MANBA: variants seen among roughly 807,000 people sequenced by gnomAD.
The protein encoded by MANBA is beta-mannosidase.
MANBA carries 83 observed loss-of-function variants against 111.1 expected under a neutral mutation model. The ratio of observed to expected loss-of-function variants is 0.75; its 90% CI spans 0.63 to 0.90. MANBA has a LOEUF of 0.90. MANBA is among the 40% of genes least tolerant of loss of function. The pLI, the probability that MANBA is intolerant of heterozygous loss-of-function variation, is 0.00. For synonymous variants in MANBA, 370 were observed against 378.7 expected (o/e 0.98, Z 0.27); for missense variants, 1,036 against 1,069.0 (o/e 0.97, Z 0.43).
Position 102,671,292 on chromosome 4 carries a change from G to C in MANBA, c.1219C>G (p.Leu407Val). 1.3e-6 allele frequency: 2 copies of C among 1,562,834 alleles called. No individual in the cohort carries two copies. The highest frequency in any genetic ancestry group is 1.8e-6 in the Non-Finnish European group (2 of 1,133,486). The change falls in exon 9 of 17, where the codon CTA becomes GTA. Residue 407 changes from leucine (L) to valine (V), a missense_variant. Leu to Val is a conservative substitution (Grantham distance 32). Coordinates refer to ENST00000647097, the MANE Select transcript of MANBA (RefSeq NM_005908.4). ...TATCAACTTCTCACCATTATTCCTAGTTCATCACAGAGTTCATAGAATTCA... is the reference window on the plus strand; with the variant it reads ...TATCAACTTCTCACCATTATTCCTACTTCATCACAGAGTTCATAGAATTCA... ...QDEFYELCDE[L>V]GIMVWQDFMF...
intron 1 of MANBA, among the ~76,000 whole-genome samples, chr4:102,735,974 T>C (rs779835271): frequency 1.3e-5 from 2 of 152,216 alleles, no homozygotes; most frequent in Admixed American, 1.3e-4. Flanking sequence ...TTTTGGACTA[T>C]ACTACAATGC....
At chr4:102,739,403 GA>G (rs1476553397) in intron 1 of MANBA, among the ~76,000 whole-genome samples, 1 of 152,134 alleles carries the variant, frequency 6.6e-6, no homozygotes, top group Admixed American at 6.5e-5. Flanking sequence ...CAATCCTACT[GA>G]AAATACTCCA....
chr4:102,646,239 A>T (rs563732259), intron 13 of MANBA, among the ~76,000 whole-genome samples: 130 of 152,220 alleles, frequency 8.5e-4, no homozygotes, highest in South Asian at 2.5e-3. Flanking sequence ...CTAATATATA[A>T]TACACAATGT....
At chr4:102,736,405 CT>C (rs1284205879) in intron 1 of MANBA, among the ~76,000 whole-genome samples, 1 of 152,208 alleles carries the variant, frequency 6.6e-6, no homozygotes, top group East Asian at 1.9e-4. Context: ...GTCTCATTTT[CT>C]CAGTAAGCTT....
intron 5 of MANBA, among the ~76,000 whole-genome samples, chr4:102,701,792 A>G (rs1733062596): frequency 2.0e-5 from 3 of 151,550 alleles, no homozygotes; most frequent in Middle Eastern, 3.4e-3. Context: ...TGCCCTTAAC[A>G]TTTTTTCCTT....
At chr4:102,686,649 C>T (rs227285) in intron 7 of MANBA, among the ~76,000 whole-genome samples, 90,911 of 151,918 alleles carry the variant, frequency 0.6, 28,189 homozygotes, top group South Asian at 0.79. Flanking sequence ...TTGCAGCATT[C>T]AACACTCTGA....
intron 1 of MANBA, 52 bp downstream of exon 1, chr4:102,760,666 G>A (rs1560820384): frequency 2.7e-6 from 4 of 1,490,826 alleles, no homozygotes; most frequent in Non-Finnish European, 3.6e-6. Context: ...GCCCCTCTCA[G>A]CACCAGAAGA....
At chr4:102,721,541 T>C (rs1722573287) in intron 4 of MANBA, among the ~76,000 whole-genome samples, 1 of 152,138 alleles carries the variant, frequency 6.6e-6, no homozygotes, top group Admixed American at 6.6e-5. Context: ...AACAGATGAA[T>C]GGATAAACAA....
At chr4:102,746,699 A>G (rs144269670) in intron 1 of MANBA, among the ~76,000 whole-genome samples, 1 of 152,330 alleles carries the variant, frequency 6.6e-6, no homozygotes, top group Admixed American at 6.5e-5. Context: ...TAGGCCGGGC[A>G]CTGTGGCTCA....
intron 5 of MANBA, among the ~76,000 whole-genome samples, chr4:102,694,289 T>C (rs900514491): frequency 5.9e-5 from 9 of 152,158 alleles, no homozygotes; most frequent in African/African-American, 2.2e-4. Flanking sequence ...TAATAACATA[T>C]TTTTCCCCTC....
intron 9 of MANBA, among the ~76,000 whole-genome samples, chr4:102,670,154 CAAAAAAAAAAAA>C (rs70937560): frequency 2.9e-4 from 31 of 107,894 alleles, no homozygotes; most frequent in Non-Finnish European, 2.8e-4. Context: ...GACTCCATAT[CAAAAAAAAAAAA>C]AAAAAAAAAA....
At chr4:102,722,498 C>G in intron 4 of MANBA, 1 of 272,288 alleles carries the variant, frequency 3.7e-6, no homozygotes, top group Non-Finnish European at 7.2e-6. Context: ...ATCAAATATA[C>G]TAATATTTGC....
At chr4:102,640,895 G>A (rs1729851482) in intron 13 of MANBA, among the ~76,000 whole-genome samples, 1 of 152,156 alleles carries the variant, frequency 6.6e-6, no homozygotes, top group South Asian at 2.1e-4. Flanking sequence ...AGAAGAAATT[G>A]TGGTCAGTCA....
chr4:102,634,691 G>A (rs1003601592), intron 16 of MANBA, 97 bp downstream of exon 16: 1 of 1,519,926 alleles, frequency 6.6e-7, no homozygotes, highest in Non-Finnish European at 9.1e-7. Flanking sequence ...GCACCAAGGG[G>A]GACACATGCA....
chr4:102,739,352 C>G (rs747087170), intron 1 of MANBA, among the ~76,000 whole-genome samples: 1 of 152,132 alleles, frequency 6.6e-6, no homozygotes, highest in Non-Finnish European at 1.5e-5. Flanking sequence ...CAGATGGATT[C>G]ACAGCTGAAT....
intron 6 of MANBA, 55 bp from the exon 7 acceptor site, chr4:102,689,739 C>T (rs1732392584): frequency 9.9e-7 from 1 of 1,007,868 alleles, no homozygotes; most frequent in Non-Finnish European, 1.6e-6. Context: ...GCAAAAAAGG[C>T]TCAAAGCATT....
chr4:102,734,706 A>G (rs981743730), intron 1 of MANBA: 18 of 867,724 alleles, frequency 2.1e-5, no homozygotes, highest in Non-Finnish European at 3.1e-5. Context: ...TCTCCATCCC[A>G]GGTTCAGGGT....
chr4:102,736,359 A>G (rs1257289125), intron 1 of MANBA, among the ~76,000 whole-genome samples: 1 of 152,204 alleles, frequency 6.6e-6, no homozygotes, highest in African/African-American at 2.4e-5. Context: ...TCAACAAACC[A>G]TGTGTCATCA....
chr4:102,760,962 G>C lies in MANBA; in HGVS notation c.-68C>G, dbSNP rs1050699176. 1 of 1,431,716 alleles carries C rather than the reference G, an allele frequency of 7.0e-7. No individual in the cohort carries two copies. The highest frequency in any genetic ancestry group is 9.5e-7 in the Non-Finnish European group (1 of 1,053,346). The allele number at this position is 1,431,716 out of a possible 1,614,324, so 88.7% of individuals were successfully genotyped here. A position where few individuals can be genotyped will look rare whatever the true frequency, so the allele number is the denominator to read the frequency against. ...AGCGCTGCAAGGGACCGGCGGTGAA[G>C]CCACTCACCCCCTCGGAAGTAGCCG... On this transcript the variant is annotated 5_prime_UTR_variant, in exon 1 of 17. Coordinates refer to ENST00000647097, the MANE Select transcript of MANBA (RefSeq NM_005908.4).
Sources: allele counts gnomAD v4.1 joint callset (sites outside exome capture counted in the v4.1 genomes callset), GRCh38; gene constraint gnomAD v4.1.1; transcripts MANE v1.5; gene names NCBI Gene and HGNC (gene_info 2026-07-23, HGNC 2026-07-21).